Variants in TIMP2 observed in about 807,000 individuals in gnomAD.
TIMP2 encodes TIMP metallopeptidase inhibitor 2.
In TIMP2, 5 loss-of-function variants were observed where a neutral mutation model predicts 24.3. That is an observed-to-expected ratio of 0.21 (90% CI 0.11 to 0.43). The LOEUF (loss-of-function observed/expected upper bound fraction) is 0.43, where lower values mean the gene tolerates loss of function less well. Ranked by LOEUF, TIMP2 falls within the 20% of genes least tolerant of loss-of-function variation. The probability of loss-of-function intolerance (pLI) is 1.00; values close to 1 mark genes in which losing one functional copy is unlikely to be tolerated. For missense variants in TIMP2, 221 were observed against 297.5 expected, an observed-to-expected ratio of 0.74 and a Z score of 1.89; for synonymous variants, 130 against 123.2, an observed-to-expected ratio of 1.06 and a Z score of -0.37.
intron 1 of TIMP2, chr17:78,897,065 A>T: frequency 1.1e-6 from 1 of 929,446 alleles, no homozygotes; most frequent in Non-Finnish European, 1.3e-6. Flanking sequence ...CCACCCAGGC[A>T]GCGTGGAAGT....
intron 1 of TIMP2, chr17:78,890,917 G>A (rs2069880885): frequency 6.4e-7 from 1 of 1,550,670 alleles, no homozygotes; most frequent in Non-Finnish European, 8.7e-7. Flanking sequence ...GGATTTCCAA[G>A]CTCATATCTG....
rs1476219783 is a variant in TIMP2 at position 78,855,950 on chromosome 17, G to A, written c.466-86C>T. ...TGCTCTGGGGGCATGTCCAGAACCC[G>A]GCAATGTGCCTACCTGTCATGTGCA... On this transcript the variant is annotated intron_variant, in intron 4 of 4. Coordinates refer to ENST00000262768, the MANE Select transcript of TIMP2 (RefSeq NM_003255.5). This position sits in a 1 kb window ranked among gnomAD's most constrained non-coding sequence, Gnocchi z 6.0. The A allele has an allele frequency of 1.3e-5, 18 of 1,357,776 alleles. No individual in the cohort carries two copies. Among genetic ancestry groups the A allele is most frequent in the Non-Finnish European group, 1.8e-5 (17 of 958,278 alleles). The allele number at this position is 1,357,776 out of a possible 1,614,324, so 84.1% of individuals were successfully genotyped here. A position where few individuals can be genotyped will look rare whatever the true frequency, so the allele number is the denominator to read the frequency against.
At position 78,854,926 on chromosome 17, in the gene TIMP2, G is replaced by T. The variant is rs1478756695; in HGVS notation, c.*741C>A. On this transcript the variant is annotated 3_prime_UTR_variant, in exon 5 of 5. Transcript: ENST00000262768. ...CAAGCTGGGGAGCATGTGGGCGGGG[G>T]GGGGGGGGTGGGGGGGTGGGTGCAG... 2 of 128,634 alleles carry T rather than the reference G, an allele frequency of 1.6e-5. No individual in the cohort carries two copies. Among genetic ancestry groups the T allele is most frequent in the Non-Finnish European group, 3.4e-5 (2 of 58,648 alleles). 8.0% of individuals were successfully genotyped at this position (128,634 alleles called of 1,614,324 possible).
chr17:78,884,562 C>T (rs188251218), intron 1 of TIMP2, among the ~76,000 whole-genome samples: 101 of 152,256 alleles, frequency 6.6e-4, no homozygotes, highest in Admixed American at 4.3e-3. Context: ...GGTCCCCACT[C>T]CCCTTTCCCT....
chr17:78,912,791 G>A (rs1486293143), intron 1 of TIMP2, among the ~76,000 whole-genome samples: 1 of 152,220 alleles, frequency 6.6e-6, no homozygotes, highest in Non-Finnish European at 1.5e-5. Context: ...CAGCTGGTAA[G>A]TAATTTAGAC....
intron 1 of TIMP2, among the ~76,000 whole-genome samples, chr17:78,918,100 A>ACACACACACACACACAC (rs1289719167): frequency 6.7e-6 from 1 of 149,266 alleles, no homozygotes; most frequent in Non-Finnish European, 1.5e-5. Context: ...ACACACACAC[A>ACACACACACACACACAC]ACTTCACTTA....
intron 1 of TIMP2, among the ~76,000 whole-genome samples, chr17:78,885,362 G>A (rs1294594158): frequency 6.6e-6 from 1 of 152,240 alleles, no homozygotes; most frequent in East Asian, 1.9e-4. Context: ...CGGGGTACCT[G>A]GAAGTGCCTT....
Position 78,891,873 on chromosome 17 carries a change from C to G in TIMP2, c.131-17954G>C. On this transcript the variant is annotated intron_variant, in intron 1 of 4. Transcript: ENST00000262768. The surrounding 1 kb of genome is among the most constrained non-coding windows in gnomAD (Gnocchi z 4.5). ...GGGGCCAGGTGAGAATTCATCCGACCCGTGGCTTTTGTAGTCTGTGGTTTC... is the reference window on the plus strand; with the variant it reads ...GGGGCCAGGTGAGAATTCATCCGACGCGTGGCTTTTGTAGTCTGTGGTTTC... 1 of 1,550,660 alleles carries G rather than the reference C, an allele frequency of 6.4e-7. No individual in the cohort carries two copies. Among genetic ancestry groups the G allele is most frequent in the South Asian group, 1.2e-5 (1 of 84,062 alleles).
rs140687747 is a variant in TIMP2 at position 78,857,531 on chromosome 17, G to A, written c.456C>T (p.Cys152=). 102 of 1,614,012 alleles carry A rather than the reference G, an allele frequency of 6.3e-5. No individual in the cohort carries two copies. The highest frequency in any genetic ancestry group is 3.3e-4 in the Middle Eastern group (2 of 6,084). ...GGCAGGACCTGCTTACCTTGCACTC[G>A]CAGCCCATCTGGTACCTGTGGTTCA... The part of the protein sequence containing the change: ...KSLNHRYQMG[C]ECKITRCPMI... The change falls in exon 4 of 5, where the codon TGC becomes TGT. Residue 152 remains cysteine (C), a synonymous_variant. Coordinates refer to ENST00000262768, the MANE Select transcript of TIMP2 (RefSeq NM_003255.5).
chr17:78,915,631 T>C (rs751198124), intron 1 of TIMP2, among the ~76,000 whole-genome samples: 13 of 151,918 alleles, frequency 8.6e-5, no homozygotes, highest in Non-Finnish European at 1.5e-4. Flanking sequence ...GCGATTCTCA[T>C]GCCTCAGCCT....
intron 2 of TIMP2, among the ~76,000 whole-genome samples, chr17:78,871,914 A>G (rs11656224): frequency 0.78 from 118,049 of 151,424 alleles, 46,359 homozygotes; most frequent in Admixed American, 0.82. Context: ...CTCACCCCCC[A>G]CCCCAAAGAG....
intron 3 of TIMP2, 53 bp downstream of exon 3, chr17:78,870,845 G>T: frequency 2.0e-6 from 3 of 1,523,584 alleles, no homozygotes; most frequent in Non-Finnish European, 2.7e-6. Context: ...CCGCGTCTAG[G>T]AACAGCCCCA....
intron 3 of TIMP2, among the ~76,000 whole-genome samples, chr17:78,869,801 C>T (rs972250136): frequency 3.9e-5 from 6 of 152,154 alleles, no homozygotes; most frequent in Non-Finnish European, 7.4e-5. Flanking sequence ...GGAAATAGAG[C>T]GAGACTCTGT....
intron 1 of TIMP2, among the ~76,000 whole-genome samples, chr17:78,905,281 C>G (rs913577484): frequency 5.3e-5 from 8 of 152,232 alleles, no homozygotes; most frequent in Non-Finnish European, 1.2e-4. Flanking sequence ...GGCTGCATTA[C>G]TGCACCAGTG....
At chr17:78,918,083 C>CTCACACAG (rs2070278666) in intron 1 of TIMP2, among the ~76,000 whole-genome samples, 1 of 151,900 alleles carries the variant, frequency 6.6e-6, no homozygotes. Flanking sequence ...CACACACACA[C>CTCACACAG]ACACACACAC....
intron 1 of TIMP2, among the ~76,000 whole-genome samples, chr17:78,884,732 C>T (rs2069810453): frequency 6.6e-6 from 1 of 152,190 alleles, no homozygotes; most frequent in African/African-American, 2.4e-5. Context: ...GCACCCCAGC[C>T]CTCCGCCCCG....
intron 3 of TIMP2, among the ~76,000 whole-genome samples, chr17:78,864,391 T>TTCCTTCCTTCCTTCCTC (rs1567992051): frequency 2.3e-5 from 3 of 131,848 alleles, no homozygotes; most frequent in Non-Finnish European, 4.7e-5. Context: ...CTCCCTCCCT[T>TTCCTTCCTTCCTTCCTC]CCTTCCTTCC....
intron 1 of TIMP2, among the ~76,000 whole-genome samples, chr17:78,884,181 A>G (rs927768732): frequency 6.6e-6 from 1 of 152,134 alleles, no homozygotes; most frequent in Non-Finnish European, 1.5e-5. Context: ...ACCCCTACCC[A>G]TCCCTGCAAC....
Position 78,925,104 on chromosome 17 carries a change from TGGGCGGGCGG to T in TIMP2, c.-26_-17del. ...CGGCGCCCATGGCGGGCCGGGGGGCTGGGCGGGCGGGGGCCGCCGCTGGGGGGTCCGGGCG... is the reference window on the plus strand; with the variant it reads ...CGGCGCCCATGGCGGGCCGGGGGGCTGGGCCGCCGCTGGGGGGTCCGGGCG... On this transcript the variant is annotated 5_prime_UTR_variant, in exon 1 of 5. Coordinates refer to ENST00000262768, the MANE Select transcript of TIMP2 (RefSeq NM_003255.5). 2.2e-4 allele frequency: 2 copies of T among 9,250 alleles called. No individual in the cohort carries two copies. The highest frequency in any genetic ancestry group is 3.5e-4 in the Non-Finnish European group (2 of 5,756). 0.6% of individuals were successfully genotyped at this position (9,250 alleles called of 1,614,324 possible). A position where few individuals can be genotyped will look rare whatever the true frequency, so the allele number is the denominator to read the frequency against.
Sources: gnomAD v4.1 joint callset for allele counts (sites outside exome capture counted in the v4.1 genomes callset) on GRCh38, gnomAD v4.1.1 for gene constraint, Gnocchi (gnomAD v3.1) non-coding constraint, MANE v1.5 for transcripts, NCBI Gene and HGNC (gene_info 2026-07-23, HGNC 2026-07-21) for gene names.